Variants in CACNA1C observed in about 807,000 individuals in gnomAD.
The protein encoded by CACNA1C is calcium voltage-gated channel subunit alpha1 C.
In CACNA1C, 30 loss-of-function variants were observed where a neutral mutation model predicts 229.0. The ratio of observed to expected loss-of-function variants is 0.13; its 90% CI spans 0.10 to 0.18. The LOEUF (loss-of-function observed/expected upper bound fraction) is 0.18, where lower values mean the gene tolerates loss of function less well. Among genes scored for constraint, CACNA1C ranks in the 10% least tolerant of loss-of-function variants. CACNA1C has a pLI of 1.00. For missense variants in CACNA1C, 1,658 were observed against 2,845.0 expected (o/e 0.58, Z 9.49); for synonymous variants, 1,114 against 1,132.5 (o/e 0.98, Z 0.33).
chr12:2,239,445 G>A lies in CACNA1C; in HGVS notation c.477+119015G>A, dbSNP rs899454914. Among the ~76,000 whole-genome samples, 5 of 152,070 alleles carry A rather than the reference G, an allele frequency of 3.3e-5. No individual in the cohort carries two copies. The South Asian group carries it at 8.3e-4, about 25-fold the overall frequency. ...AGGAAGGGTCAGCTGCACAGACCTC[G>A]CGGCCCTCTGCCCAGTCCCTGACGT... is the stretch of plus-strand genomic sequence containing the variant. On this transcript the variant is annotated intron_variant, in intron 3 of 46. Transcript: ENST00000399655.
intron 43 of CACNA1C, among the ~76,000 whole-genome samples, chr12:2,683,763 T>C (rs2097296948): frequency 6.6e-6 from 1 of 152,178 alleles, no homozygotes; most frequent in African/African-American, 2.4e-5. Context: ...GTCAAGAACC[T>C]GGGATGCTGG....
chr12:2,555,122 G>T (rs1037965881), intron 10 of CACNA1C, among the ~76,000 whole-genome samples: 2 of 152,234 alleles, frequency 1.3e-5, no homozygotes, highest in African/African-American at 2.4e-5. Context: ...TGTAGTCCAC[G>T]ACTGTGCTTG....
At chr12:2,578,034 A>C (rs2059142686) in intron 13 of CACNA1C, among the ~76,000 whole-genome samples, 2 of 151,102 alleles carry the variant, frequency 1.3e-5, no homozygotes. Context: ...ACACCCGGCT[A>C]ATTTTTTGTA....
chr12:2,342,375 C>G (rs2096890632), intron 3 of CACNA1C, among the ~76,000 whole-genome samples: 2 of 152,120 alleles, frequency 1.3e-5, no homozygotes, highest in South Asian at 4.1e-4. Flanking sequence ...TTTTGTGTAT[C>G]CAGCACTTTG....
chr12:2,358,059 C>T (rs2097433611), intron 3 of CACNA1C, among the ~76,000 whole-genome samples: 1 of 151,974 alleles, frequency 6.6e-6, no homozygotes, highest in Admixed American at 6.6e-5. Context: ...TGTTCTTACC[C>T]AACATGTTCA....
At chr12:2,327,891 G>A (rs1454229619) in intron 3 of CACNA1C, among the ~76,000 whole-genome samples, 1 of 152,170 alleles carries the variant, frequency 6.6e-6, no homozygotes, top group Admixed American at 6.5e-5. Context: ...CTGAAAACTG[G>A]ACCTCAGTGG....
intron 1 of CACNA1C, among the ~76,000 whole-genome samples, chr12:2,028,357 A>T (rs924735884): frequency 3.9e-5 from 6 of 152,182 alleles, no homozygotes; most frequent in African/African-American, 1.4e-4. Context: ...CATTGATTAA[A>T]TCATTGGAAA....
At chr12:2,618,628 G>A (rs570261044) in intron 29 of CACNA1C, among the ~76,000 whole-genome samples, 65 of 152,360 alleles carry the variant, frequency 4.3e-4, no homozygotes, top group Non-Finnish European at 8.2e-4. Flanking sequence ...AACCCTGCAA[G>A]CTAAATCCAT....
intron 3 of CACNA1C, among the ~76,000 whole-genome samples, chr12:2,380,634 T>C (rs2098216204): frequency 1.3e-5 from 2 of 152,112 alleles, no homozygotes; most frequent in Admixed American, 1.3e-4. Flanking sequence ...ACACAAGGGG[T>C]TTGTCCAAGT....
At chr12:2,073,427 C>T (rs114674687) in intron 1 of CACNA1C, among the ~76,000 whole-genome samples, 1 of 152,144 alleles carries the variant, frequency 6.6e-6, no homozygotes, top group Non-Finnish European at 1.5e-5. Flanking sequence ...AACATGACCA[C>T]AGAGAAAGGG....
chr12:2,065,873 G>A (rs1594831642), intron 1 of CACNA1C, among the ~76,000 whole-genome samples: 1 of 152,130 alleles, frequency 6.6e-6, no homozygotes, highest in East Asian at 1.9e-4. Context: ...AGTTTGGCTG[G>A]AGCAAGGTTT....
chr12:2,328,640 A>G (rs1427886030), intron 3 of CACNA1C, among the ~76,000 whole-genome samples: 1 of 152,258 alleles, frequency 6.6e-6, no homozygotes, highest in Non-Finnish European at 1.5e-5. Flanking sequence ...TGGGCTTGAT[A>G]GATGAGTTTT....
At chr12:2,259,596 T>C (rs1278060720) in intron 3 of CACNA1C, among the ~76,000 whole-genome samples, 1 of 152,172 alleles carries the variant, frequency 6.6e-6, no homozygotes, top group Non-Finnish European at 1.5e-5. Flanking sequence ...GACGACTTAT[T>C]TTTTTGGCCC....
intron 13 of CACNA1C, among the ~76,000 whole-genome samples, chr12:2,572,311 C>CT: frequency 6.9e-6 from 1 of 145,748 alleles, no homozygotes; most frequent in East Asian, 2.1e-4. Context: ...TCCTCCTCCT[C>CT]CTCCTCCTCT....
At chr12:2,248,655 C>T (rs1476169675) in intron 3 of CACNA1C, among the ~76,000 whole-genome samples, 14 of 152,212 alleles carry the variant, frequency 9.2e-5, no homozygotes, top group South Asian at 2.1e-4. Flanking sequence ...TGTTCAAAGC[C>T]GCAGTGGTAT....
intron 3 of CACNA1C, among the ~76,000 whole-genome samples, chr12:2,389,844 A>G (rs746846931): frequency 9.3e-5 from 14 of 150,564 alleles, no homozygotes; most frequent in Non-Finnish European, 1.5e-4. Flanking sequence ...CCCTCCTTTC[A>G]CTCCCTCTGT....
rs142863934 is a variant in CACNA1C at position 2,261,686 on chromosome 12, A to T, written c.477+141256A>T. On this transcript the variant is annotated intron_variant, in intron 3 of 46. Transcript: ENST00000399655. Reference sequence around the variant, plus strand: ...AACAGCACTATTTACTAGGAGATATAGCATCAGAGGTGGTTTTCTATACAT... The same window carrying T: ...AACAGCACTATTTACTAGGAGATATTGCATCAGAGGTGGTTTTCTATACAT... Among the ~76,000 whole-genome samples, 376 of 152,326 alleles carry T rather than the reference A, an allele frequency of 2.5e-3. 3 individuals carry two copies. The highest frequency in any genetic ancestry group is 8.4e-3 in the African/African-American group (349 of 41,568).
chr12:2,370,165 A>C (rs533559607), intron 3 of CACNA1C, among the ~76,000 whole-genome samples: 1 of 152,342 alleles, frequency 6.6e-6, no homozygotes, highest in South Asian at 2.1e-4. Flanking sequence ...TTAAAAGAAG[A>C]TGCTATTTTT....
In CACNA1C at chr12:2,139,678, G is replaced by A. The variant is rs144223600; in HGVS notation, c.477+19248G>A. 1.1e-3 allele frequency among the ~76,000 whole-genome samples: 166 copies of A among 151,344 alleles called. 9 individuals are homozygous for A. The highest frequency in any genetic ancestry group is 1.6e-3 in the Non-Finnish European group (111 of 67,582). On this transcript the variant is annotated intron_variant, in intron 3 of 46. Coordinates refer to ENST00000399655, the MANE Select transcript of CACNA1C (RefSeq NM_000719.7). ...CGCCTGAGGGACCGTGGCATGTGTGGCAGAGGAGATCTCTTGCGCCCCTGA... is the reference window on the plus strand; with the variant it reads ...CGCCTGAGGGACCGTGGCATGTGTGACAGAGGAGATCTCTTGCGCCCCTGA...
Sources: gnomAD v4.1 joint callset for allele counts (sites outside exome capture counted in the v4.1 genomes callset) on GRCh38, gnomAD v4.1.1 for gene constraint, MANE v1.5 for transcripts, NCBI Gene and HGNC (gene_info 2026-07-23, HGNC 2026-07-21) for gene names.